The following RAB31 variants were observed in gnomAD, a reference collection of about 807,000 sequenced individuals.
The protein encoded by RAB31 is ras-related protein Rab-31.
Under a neutral mutation model 25.6 loss-of-function variants are expected in RAB31, and 21 were observed. That is an observed-to-expected ratio of 0.82 (90% CI 0.58 to 1.18). The LOEUF is 1.18. Among genes scored for constraint, RAB31 ranks in the 50% most tolerant of loss-of-function variants. RAB31 has a pLI of 0.00. For missense variants in RAB31, 196 were observed against 250.1 expected, an observed-to-expected ratio of 0.78 and a Z score of 1.46; for synonymous variants, 87 against 84.0, an observed-to-expected ratio of 1.04 and a Z score of -0.20.
intron 1 of RAB31, among the ~76,000 whole-genome samples, chr18:9,715,507 G>T (rs2068039744): frequency 6.9e-6 from 1 of 145,014 alleles, no homozygotes; most frequent in African/African-American, 2.5e-5. Context: ...TTTGTCACTT[G>T]TCCTTTGTCT....
chr18:9,859,529 A>C lies in RAB31; in HGVS notation c.*204A>C. ...AAACCCTGGGAAAACCCACCACACCACCACAAAATGGCCTTTAGTGTATGA... is the reference window on the plus strand; with the variant it reads ...AAACCCTGGGAAAACCCACCACACCCCCACAAAATGGCCTTTAGTGTATGA... On this transcript the variant is annotated 3_prime_UTR_variant, in exon 7 of 7. Transcript: ENST00000578921. The C allele has an allele frequency of 2.3e-6, 1 of 443,906 alleles. No homozygotes were observed. Among genetic ancestry groups the C allele is most frequent in the Non-Finnish European group, 4.0e-6 (1 of 250,840 alleles). 27.5% of individuals were successfully genotyped at this position (443,906 alleles called of 1,614,324 possible). A position where few individuals can be genotyped will look rare whatever the true frequency, so the allele number is the denominator to read the frequency against.
intron 5 of RAB31, among the ~76,000 whole-genome samples, chr18:9,844,555 C>T (rs1443160390): frequency 6.6e-6 from 1 of 152,152 alleles, no homozygotes; most frequent in African/African-American, 2.4e-5. Context: ...ATTAGAGTGC[C>T]CCTGGATGAG....
At chr18:9,839,935 C>G (rs1337497245) in intron 5 of RAB31, among the ~76,000 whole-genome samples, 1 of 152,192 alleles carries the variant, frequency 6.6e-6, no homozygotes, top group African/African-American at 2.4e-5. Context: ...TCCCACTTCT[C>G]CCGCCCTCCC....
chr18:9,757,912 C>T (rs2068267875), intron 1 of RAB31: 1 of 152,230 alleles, frequency 6.6e-6, no homozygotes, highest in Non-Finnish European at 1.5e-5. Flanking sequence ...ATTTCTATTT[C>T]ATCTTCTTCC....
chr18:9,858,115 G>A (rs2068828386), intron 6 of RAB31, among the ~76,000 whole-genome samples: 1 of 152,168 alleles, frequency 6.6e-6, no homozygotes, highest in African/African-American at 2.4e-5. Context: ...GACCTAATGT[G>A]GTTCAGTGGG....
intron 5 of RAB31, among the ~76,000 whole-genome samples, chr18:9,842,112 C>T (rs1019014837): frequency 2.0e-5 from 3 of 152,142 alleles, no homozygotes; most frequent in Admixed American, 1.3e-4. Context: ...GGGAGTGGGA[C>T]AAGGAGCTTC....
At chr18:9,780,259 TAC>T (rs202196461) in intron 2 of RAB31, among the ~76,000 whole-genome samples, 2,225 of 152,078 alleles carry the variant, frequency 0.015, 28 homozygotes, top group Non-Finnish European at 0.024. Context: ...TTAGTGTACA[TAC>T]AGTTTTTTTT....
At chr18:9,805,411 G>C (rs966534392) in intron 3 of RAB31, among the ~76,000 whole-genome samples, 7 of 152,170 alleles carry the variant, frequency 4.6e-5, no homozygotes, top group African/African-American at 1.7e-4. Context: ...GCATTCCTTG[G>C]CTTGTAGCCC....
At chr18:9,765,035 C>A (rs1380104032) in intron 1 of RAB31, among the ~76,000 whole-genome samples, 1 of 152,064 alleles carries the variant, frequency 6.6e-6, no homozygotes, top group Non-Finnish European at 1.5e-5. Flanking sequence ...TCACGGCAAC[C>A]TACGCCTCCT....
At chr18:9,794,757 G>A (rs1019350336) in intron 3 of RAB31, among the ~76,000 whole-genome samples, 1 of 152,162 alleles carries the variant, frequency 6.6e-6, no homozygotes, top group African/African-American at 2.4e-5. Context: ...GGAGGTTGCA[G>A]TGAGCTGAGA....
chr18:9,739,131 G>A (rs962927961), intron 1 of RAB31, among the ~76,000 whole-genome samples: 5 of 152,180 alleles, frequency 3.3e-5, no homozygotes, highest in African/African-American at 1.2e-4. Flanking sequence ...TGATATAGTT[G>A]CATACTATAT....
chr18:9,852,336 TAAAC>T (rs2068793280), intron 6 of RAB31, among the ~76,000 whole-genome samples: 1 of 152,236 alleles, frequency 6.6e-6, no homozygotes, highest in Non-Finnish European at 1.5e-5. Flanking sequence ...TATCATCAAA[TAAAC>T]AGTCAGTGGT....
intron 2 of RAB31, among the ~76,000 whole-genome samples, chr18:9,789,610 A>T (rs554522892): frequency 6.6e-6 from 1 of 152,372 alleles, no homozygotes; most frequent in South Asian, 2.1e-4. Context: ...ATACCAATTT[A>T]TTAGCAGTGA....
chr18:9,774,271 C>G (rs2068360714), intron 1 of RAB31, among the ~76,000 whole-genome samples: 1 of 152,122 alleles, frequency 6.6e-6, no homozygotes. Context: ...TGAACAGCAC[C>G]TGGCCCCTCC....
At chr18:9,761,666 G>A (rs1189619336) in intron 1 of RAB31, among the ~76,000 whole-genome samples, 4 of 152,172 alleles carry the variant, frequency 2.6e-5, no homozygotes, top group Admixed American at 2.6e-4. Flanking sequence ...GCAGTTCCTG[G>A]TGGCCTGTTG....
At chr18:9,734,956 C>G (rs1322928956) in intron 1 of RAB31, 3 of 293,410 alleles carry the variant, frequency 1.0e-5, no homozygotes, top group Admixed American at 7.2e-5. Flanking sequence ...CCCAGTTGCA[C>G]CACAGCAGTG....
chr18:9,830,006 A>ATATTATTATTATTAT (rs201291302), intron 5 of RAB31, among the ~76,000 whole-genome samples: 3 of 150,550 alleles, frequency 2.0e-5, no homozygotes, highest in African/African-American at 4.9e-5. Context: ...CTTTTAAAAA[A>ATATTATTATTATTAT]TATTATTATT....
At chr18:9,832,072 C>T (rs958361503) in intron 5 of RAB31, among the ~76,000 whole-genome samples, 1 of 152,188 alleles carries the variant, frequency 6.6e-6, no homozygotes, top group African/African-American at 2.4e-5. Flanking sequence ...TCTGTGGATA[C>T]GCCGAGCGAT....
At chr18:9,719,395 T>A (rs2068063465) in intron 1 of RAB31, among the ~76,000 whole-genome samples, 1 of 145,562 alleles carries the variant, frequency 6.9e-6, no homozygotes, top group Non-Finnish European at 1.5e-5. Context: ...ATACATGCTG[T>A]TGTAGTTTTA....
Sources: gnomAD v4.1 joint callset for allele counts (sites outside exome capture counted in the v4.1 genomes callset) on GRCh38, gnomAD v4.1.1 for gene constraint, MANE v1.5 for transcripts, NCBI Gene and HGNC (gene_info 2026-07-23, HGNC 2026-07-21) for gene names.